The following ZFYVE28 variants were observed in gnomAD, a reference collection of about 807,000 sequenced individuals.
ZFYVE28 encodes zinc finger FYVE-type containing 28, also known as lateral signaling target protein 2 homolog.
In ZFYVE28, 40 loss-of-function variants were observed where a neutral mutation model predicts 82.1. That is an observed-to-expected ratio of 0.49 (90% CI 0.38 to 0.63). ZFYVE28 has a LOEUF of 0.63. ZFYVE28 is among the 30% of genes least tolerant of loss of function. The pLI, the probability that ZFYVE28 is intolerant of heterozygous loss-of-function variation, is 0.00. For missense variants in ZFYVE28, 1,321 were observed against 1,242.1 expected (o/e 1.06, Z -0.96); for synonymous variants, 612 against 546.1 (o/e 1.12, Z -1.68).
At chr4:2,368,230 A>AAAAAAAAAAAAAC (rs1727123104) in intron 1 of ZFYVE28, among the ~76,000 whole-genome samples, 1 of 148,522 alleles carries the variant, frequency 6.7e-6, no homozygotes, top group African/African-American at 2.5e-5. Context: ...AAAAAAAAAA[A>AAAAAAAAAAAAAC]CACTGTATCT....
At chr4:2,373,161 A>G (rs1162773001) in intron 1 of ZFYVE28, among the ~76,000 whole-genome samples, 1 of 152,212 alleles carries the variant, frequency 6.6e-6, no homozygotes, top group Non-Finnish European at 1.5e-5. Context: ...CATGTCTGAT[A>G]GGGCCTGTGA....
At chr4:2,350,916 C>T (rs1724333673) in intron 2 of ZFYVE28, among the ~76,000 whole-genome samples, 1 of 152,200 alleles carries the variant, frequency 6.6e-6, no homozygotes, top group African/African-American at 2.4e-5. Context: ...GCCTGTGCAC[C>T]TCTTCATCAG....
intron 2 of ZFYVE28, among the ~76,000 whole-genome samples, chr4:2,352,188 C>A (rs920676971): frequency 1.3e-5 from 2 of 152,138 alleles, no homozygotes; most frequent in Admixed American, 6.5e-5. Context: ...CTGTGCTGGG[C>A]GTAAGGTGGG....
At chr4:2,304,177 C>T (rs562138405) in intron 8 of ZFYVE28, 112 bp downstream of exon 8, 26 of 1,389,024 alleles carry the variant, frequency 1.9e-5, no homozygotes, top group East Asian at 1.6e-4. Flanking sequence ...CAGCACCTGC[C>T]GGTGGCCAAG....
chr4:2,292,358 G>A (rs780778109), intron 8 of ZFYVE28, among the ~76,000 whole-genome samples: 19 of 152,314 alleles, frequency 1.2e-4, no homozygotes, highest in South Asian at 4.1e-4. Flanking sequence ...GGACAGGGAG[G>A]GAGGCCACAG....
rs554605758 is a variant in ZFYVE28 at position 2,372,790 on chromosome 4, G to A, written c.40-18717C>T. On this transcript the variant is annotated intron_variant, in intron 1 of 12. Transcript: ENST00000290974. This position sits in a 1 kb window ranked among gnomAD's most constrained non-coding sequence, Gnocchi z 5.2. ...GAGCCAGCTGCCTCCCTGGACCAAG[G>A]ATGCTGCACACCCCTAAGACCTAGC... is the stretch of plus-strand genomic sequence containing the variant. 4.3e-4 allele frequency among the ~76,000 whole-genome samples: 66 copies of A among 152,230 alleles called. No individual in the cohort carries two copies. Among genetic ancestry groups the A allele is most frequent in the Admixed American group, 9.2e-4 (14 of 15,296 alleles).
chr4:2,280,062 G>A (rs1711753510), intron 8 of ZFYVE28, among the ~76,000 whole-genome samples: 1 of 152,190 alleles, frequency 6.6e-6, no homozygotes, highest in Non-Finnish European at 1.5e-5. Context: ...TAATCGCCCA[G>A]CAAACTCATA....
chr4:2,303,050 A>G (rs565866414), intron 8 of ZFYVE28, among the ~76,000 whole-genome samples: 1 of 152,298 alleles, frequency 6.6e-6, no homozygotes, highest in African/African-American at 2.4e-5. Flanking sequence ...AGGCGAACCC[A>G]TCGATGGAAA....
At position 2,418,272 on chromosome 4, in the gene ZFYVE28, C is replaced by G. The variant is rs374575756; in HGVS notation, c.39+13G>C. 6.5e-7 allele frequency: 1 copy of G among 1,534,510 alleles called. No homozygotes were observed. Among genetic ancestry groups the G allele is most frequent in the East Asian group, 2.6e-5 (1 of 38,572 alleles). ...CGACGCGGGGGGCGTCCGGCCCGAG[C>G]GGGGCCGCTCACCTTGGGTTTGTAG... On this transcript the variant is annotated intron_variant, in intron 1 of 12. Coordinates refer to ENST00000290974, the MANE Select transcript of ZFYVE28 (RefSeq NM_020972.3). This position sits in a 1 kb window ranked among gnomAD's most constrained non-coding sequence, Gnocchi z 4.6.
At chr4:2,346,204 T>C (rs772780422) in intron 2 of ZFYVE28, among the ~76,000 whole-genome samples, 2 of 141,212 alleles carry the variant, frequency 1.4e-5, no homozygotes, top group East Asian at 4.0e-4. Context: ...TAGCCGGGCG[T>C]GGTGGTGGGC....
In ZFYVE28 at chr4:2,394,723, C is replaced by T. The variant is rs922464776; in HGVS notation, c.39+23562G>A. Among the ~76,000 whole-genome samples, 2 of 152,236 alleles carry T rather than the reference C, an allele frequency of 1.3e-5. No homozygotes were observed. Among genetic ancestry groups the T allele is most frequent in the Admixed American group, 6.5e-5 (1 of 15,286 alleles). The stretch of plus-strand genomic sequence containing the variant: ...GATCCTGTGAACAGGCACCACTCTG[C>T]GCAGCTGCATCGATGCCTGACTGCA... On this transcript the variant is annotated intron_variant, in intron 1 of 12. Transcript: ENST00000290974. This position sits in a 1 kb window ranked among gnomAD's most constrained non-coding sequence, Gnocchi z 4.0.
At chr4:2,351,492 T>C (rs1724435917) in intron 2 of ZFYVE28, among the ~76,000 whole-genome samples, 1 of 152,196 alleles carries the variant, frequency 6.6e-6, no homozygotes, top group Non-Finnish European at 1.5e-5. Context: ...GGCAGGTGGA[T>C]CACTTGAGTT....
intron 7 of ZFYVE28, among the ~76,000 whole-genome samples, chr4:2,310,583 T>A (rs1035305316): frequency 6.6e-6 from 1 of 152,032 alleles, no homozygotes; most frequent in Non-Finnish European, 1.5e-5. Flanking sequence ...GCAGTCAGAT[T>A]GCTTGAGCCC....
intron 7 of ZFYVE28, among the ~76,000 whole-genome samples, chr4:2,310,562 G>T (rs1317203912): frequency 6.6e-6 from 1 of 152,148 alleles, no homozygotes. Flanking sequence ...ACAGCATTTT[G>T]GGAGGCCAAG....
intron 8 of ZFYVE28, among the ~76,000 whole-genome samples, chr4:2,280,758 G>A (rs1255244963): frequency 6.6e-6 from 1 of 152,226 alleles, no homozygotes; most frequent in Non-Finnish European, 1.5e-5. Flanking sequence ...GGCCCTGCCT[G>A]TGGCGAGGAA....
rs1211895781 is a variant in ZFYVE28, at chr4:2,362,558, G to A, written c.40-8485C>T. Among the ~76,000 whole-genome samples, 1 of 152,070 alleles carries A rather than the reference G, an allele frequency of 6.6e-6. No homozygotes were observed. The highest frequency in any genetic ancestry group is 1.5e-5 in the Non-Finnish European group (1 of 67,992). Reference sequence around the variant, plus strand: ...GTCCGCACTGAGGCCAGACGTCCATGGGCAGCCATGACCCATGTCCCCAAG... The same window carrying A: ...GTCCGCACTGAGGCCAGACGTCCATAGGCAGCCATGACCCATGTCCCCAAG... On this transcript the variant is annotated intron_variant, in intron 1 of 12. Transcript: ENST00000290974. This position sits in a 1 kb window ranked among gnomAD's most constrained non-coding sequence, Gnocchi z 5.1.
intron 1 of ZFYVE28, among the ~76,000 whole-genome samples, chr4:2,366,821 T>C (rs1014010898): frequency 6.6e-6 from 1 of 152,190 alleles, no homozygotes; most frequent in African/African-American, 2.4e-5. Flanking sequence ...AGGCATCCCC[T>C]ATCATGCAAA....
At position 2,341,540 on chromosome 4, in the gene ZFYVE28, C is replaced by T. The variant is rs1006471990; in HGVS notation, c.256G>A (p.Val86Ile). Residue 86 changes from valine to isoleucine, a missense_variant, in exon 3 of 13, where the codon GTC (valine) becomes ATC (isoleucine). Physicochemically the swap from Val to Ile is conservative, Grantham distance 29 (BLOSUM62 3). Transcript: ENST00000290974. This position sits in a 1 kb window ranked among gnomAD's most constrained non-coding sequence, Gnocchi z 4.5. ...PQDRAPRDFC[V>I]KFPEEIRHDN... ...TGCCGGATCTCCTCAGGGAACTTGA[C>T]GCAGAAATCTCTGGGGGCGCGGTCC... The T allele has an allele frequency of 4.3e-6, 7 of 1,613,938 alleles. No individual in the cohort carries two copies. The highest frequency in any genetic ancestry group is 1.3e-5 in the African/African-American group (1 of 74,922).
At chr4:2,353,893 C>A in intron 2 of ZFYVE28, 40 bp downstream of exon 2, 1 of 1,449,888 alleles carries the variant, frequency 6.9e-7, no homozygotes, top group Non-Finnish European at 9.1e-7. Flanking sequence ...CTGTCCAATG[C>A]CCAGCGGGGC....
Sources: allele counts gnomAD v4.1 joint callset (sites outside exome capture counted in the v4.1 genomes callset), GRCh38; gene constraint gnomAD v4.1.1; non-coding constraint Gnocchi (gnomAD v3.1); transcripts MANE v1.5; gene names NCBI Gene and HGNC (gene_info 2026-07-23, HGNC 2026-07-21).